The following RIF1 variants were observed in gnomAD, a reference collection of about 807,000 sequenced individuals.
RIF1 encodes telomere-associated protein RIF1.
RIF1 carries 45 observed loss-of-function variants against 247.1 expected under a neutral mutation model. The observed-to-expected ratio is 0.18, with a 90% CI of 0.14 to 0.23. The LOEUF is 0.23. Ranked by LOEUF, RIF1 falls within the 10% of genes least tolerant of loss-of-function variation. The pLI, the probability that RIF1 is intolerant of heterozygous loss-of-function variation, is 1.00. For synonymous variants in RIF1, 1,087 were observed against 978.8 expected (o/e 1.11, Z -2.06); for missense variants, 2,967 against 2,862.5 (o/e 1.04, Z -0.83).
rs1424195441 is a variant in RIF1, at chr2:151,477,077, A to G, written c.*2006A>G. On this transcript the variant is annotated 3_prime_UTR_variant, in exon 36 of 36. Coordinates refer to ENST00000444746, the MANE Select transcript of RIF1 (RefSeq NM_018151.5). The stretch of plus-strand genomic sequence containing the variant: ...TTAATTTTAAAAACATTATAGTTTA[A>G]TAAAGCTGCATTTAAAAATATTTGG... 2 of 152,250 alleles carry G rather than the reference A, an allele frequency of 1.3e-5. No individual in the cohort carries two copies. The highest frequency in any genetic ancestry group is 2.4e-5 in the African/African-American group (1 of 41,474). The allele number at this position is 152,250 out of a possible 1,614,324, so 9.4% of individuals were successfully genotyped here.
chr2:151,461,460 CG>C (rs1696142135), intron 27 of RIF1, among the ~76,000 whole-genome samples, 171 bp downstream of exon 27: 1 of 150,334 alleles, frequency 6.7e-6, no homozygotes, highest in East Asian at 2.0e-4. Context: ...GGTGCCATCT[CG>C]GCTCACTGCA....
In RIF1 at chr2:151,438,746, G is replaced by T; in HGVS notation, c.1546G>T (p.Gly516Cys). ...CTTGGTGAAGTCAGTTACTGAATCAGGTAAGCACTATTACACTGATCAAAT... is the reference window on the plus strand; with the variant it reads ...CTTGGTGAAGTCAGTTACTGAATCATGTAAGCACTATTACACTGATCAAAT... Reference protein sequence around the residue: ...ISLVKSVTESGNKKEKPGSEV... With the variant: ...ISLVKSVTESCNKKEKPGSEV... Residue 516 changes from glycine (G) to cysteine (C), a missense_variant and splice_region_variant, in exon 14 of 36, where the codon GGT becomes TGT. This residue lies in a region of RIF1 where 369 missense variants were observed against 322.0 expected (regional missense o/e 1.15). Transcript: ENST00000444746. The T allele has an allele frequency of 1.2e-6, 2 of 1,601,808 alleles. No homozygotes were observed. Among genetic ancestry groups the T allele is most frequent in the South Asian group, 2.2e-5 (2 of 90,832 alleles).
downstream of RIF1, among the ~76,000 whole-genome samples, chr2:151,509,753 G>A (rs939352040): frequency 6.6e-6 from 1 of 152,104 alleles, no homozygotes; most frequent in Non-Finnish European, 1.5e-5. Flanking sequence ...TCAGGCTTCC[G>A]AGTAGCTGGG....
At chr2:151,495,806 TGAA>T (rs1386621107) in intron 10 of RIF1, among the ~76,000 whole-genome samples, 2 of 152,228 alleles carry the variant, frequency 1.3e-5, no homozygotes, top group Non-Finnish European at 2.9e-5. Flanking sequence ...TCATTATTCT[TGAA>T]GGAGGGGATC....
chr2:151,427,303 C>T (rs556360514), intron 8 of RIF1, among the ~76,000 whole-genome samples: 1 of 151,686 alleles, frequency 6.6e-6, no homozygotes, highest in Admixed American at 6.6e-5. Flanking sequence ...CTCGGCCTCT[C>T]AGGTTCAAGT....
chr2:151,463,231 A>C lies in RIF1; in HGVS notation c.3711A>C (p.Pro1237=), dbSNP rs757542444. ...FDGSENRPFS[P]SPLNNISSTV... is the part of the protein sequence containing the mutation. ...GTTCAGAAAATAGACCTTTTAGTCCATCCCCCTTGAATAATATTTCATCAA... is the reference window on the plus strand; with the variant it reads ...GTTCAGAAAATAGACCTTTTAGTCCCTCCCCCTTGAATAATATTTCATCAA... Residue 1237 remains proline (P), a synonymous_variant, in exon 30 of 36, where the codon CCA becomes CCC. Coordinates refer to ENST00000444746, the MANE Select transcript of RIF1 (RefSeq NM_018151.5). 6.2e-7 allele frequency: 1 copy of C among 1,614,038 alleles called. No homozygotes were observed. Among genetic ancestry groups the C allele is most frequent in the Admixed American group, 1.7e-5 (1 of 60,014 alleles).
downstream of RIF1, chr2:151,485,964 T>C (rs757923442): frequency 6.2e-7 from 1 of 1,607,912 alleles, no homozygotes; most frequent in South Asian, 1.1e-5. Flanking sequence ...GGGGAAATAT[T>C]ATATGTTGGA....
chr2:151,500,819 G>A (rs974269536), intron 11 of RIF1, among the ~76,000 whole-genome samples: 12 of 151,880 alleles, frequency 7.9e-5, no homozygotes, highest in African/African-American at 1.9e-4. Context: ...GGCTGGTCTC[G>A]ACCTCCTGGG....
chr2:151,419,388 A>T (rs146743266), intron 6 of RIF1, among the ~76,000 whole-genome samples: 3,727 of 151,796 alleles, frequency 0.025, 56 homozygotes, highest in African/African-American at 0.039. Flanking sequence ...CGCAGTGGTG[A>T]GGTCTTGGCT....
chr2:151,531,517 A>G, the RIF1 span, among the ~76,000 whole-genome samples: 1 of 152,000 alleles, frequency 6.6e-6, no homozygotes, highest in Non-Finnish European at 1.5e-5. Context: ...GGGTTTTGCC[A>G]TATTGGCCAG....
At chr2:151,502,326 T>C (rs560550775) in intron 11 of RIF1, among the ~76,000 whole-genome samples, 1 of 151,778 alleles carries the variant, frequency 6.6e-6, no homozygotes, top group African/African-American at 2.4e-5. Flanking sequence ...CTAAAGAACT[T>C]AGTAACCAAA....
chr2:151,508,116 A>C, downstream of RIF1: 1 of 1,585,048 alleles, frequency 6.3e-7, no homozygotes, highest in Non-Finnish European at 8.6e-7. Context: ...TTTTCTGGGA[A>C]TAGATTCCAA....
At chr2:151,453,579 CAAAAAAA>C (rs59661470) in intron 21 of RIF1, among the ~76,000 whole-genome samples, 138 of 72,896 alleles carry the variant, frequency 1.9e-3, no homozygotes, top group African/African-American at 6.4e-3. Context: ...GACTCTGTCT[CAAAAAAA>C]AAAAAAAAAA....
At position 151,466,116 on chromosome 2, in the gene RIF1, ATAAGG is replaced by A; in HGVS notation, c.6600+2_6600+6del. Reference sequence around the variant, plus strand: ...GAAGATGAAATCTCATCACCTGTTAATAAGGTAAGGGGAATGAGGCTAAATATTAA... The same window carrying A: ...GAAGATGAAATCTCATCACCTGTTAATAAGGGGAATGAGGCTAAATATTAA... On this transcript the variant is annotated splice_donor_variant and coding_sequence_variant, in exon 30 of 36. Coordinates refer to ENST00000444746, the MANE Select transcript of RIF1 (RefSeq NM_018151.5). LOFTEE classifies it high-confidence loss of function. 6.4e-7 allele frequency: 1 copy of A among 1,565,656 alleles called. No homozygotes were observed. The highest frequency in any genetic ancestry group is 8.7e-7 in the Non-Finnish European group (1 of 1,147,314).
At chr2:151,531,930 A>C in the RIF1 span, 8 of 1,392,388 alleles carry the variant, frequency 5.7e-6, no homozygotes, top group African/African-American at 7.1e-5. Flanking sequence ...AGCTCTAAGA[A>C]GTTGTAGAGT....
intron 13 of RIF1, among the ~76,000 whole-genome samples, 173 bp downstream of exon 13, chr2:151,437,524 C>T (rs1026372398): frequency 3.9e-5 from 6 of 152,080 alleles, no homozygotes; most frequent in Non-Finnish European, 7.3e-5. Context: ...AACCCTGTCT[C>T]TACAAAGCAT....
intron 16 of RIF1, among the ~76,000 whole-genome samples, chr2:151,442,263 G>A (rs937153604): frequency 7.3e-5 from 11 of 151,198 alleles, no homozygotes; most frequent in African/African-American, 2.2e-4. Flanking sequence ...TTATAGAGAC[G>A]GGGTTTCTCC....
Position 151,465,542 on chromosome 2 carries a change from C to T in RIF1, c.6022C>T (p.Leu2008=), listed in dbSNP as rs1297058018. The change falls in exon 30 of 36, where the codon CTA becomes TTA. Residue 2008 remains leucine, a synonymous_variant. Coordinates refer to ENST00000444746, the MANE Select transcript of RIF1 (RefSeq NM_018151.5). ...ELDGGNDVSD[L]HSSEETNTKM... is the part of the protein sequence containing the mutation. ...AGATGGAGGAAATGATGTATCTGAT[C>T]TACACTCATCTGAAGAAACGAATAC... 1.2e-6 allele frequency: 2 copies of T among 1,613,754 alleles called. No individual in the cohort carries two copies. The highest frequency in any genetic ancestry group is 1.7e-6 in the Non-Finnish European group (2 of 1,179,912).
intron 9 of RIF1, chr2:151,491,435 G>T: frequency 1.5e-5 from 5 of 338,638 alleles, no homozygotes; most frequent in Non-Finnish European, 2.8e-5. Flanking sequence ...TTTTTCTTTG[G>T]AAGAAAAATT....
Sources: gnomAD v4.1 joint callset for allele counts (sites outside exome capture counted in the v4.1 genomes callset) on GRCh38, gnomAD v4.1.1 for gene constraint, gnomAD v4.1.1 regional missense constraint, MANE v1.5 for transcripts, NCBI Gene and HGNC (gene_info 2026-07-23, HGNC 2026-07-21) for gene names.